PEAK1: variants seen among roughly 807,000 people sequenced by gnomAD.
The protein encoded by PEAK1 is pseudopodium enriched atypical kinase 1.
In PEAK1, 54 loss-of-function variants were observed where a neutral mutation model predicts 124.7. The ratio of observed to expected loss-of-function variants is 0.43; its 90% CI spans 0.35 to 0.54. The LOEUF (loss-of-function observed/expected upper bound fraction) is 0.54. Among genes scored for constraint, PEAK1 ranks in the 20% least tolerant of loss-of-function variants. The pLI, the probability that PEAK1 is intolerant of heterozygous loss-of-function variation, is 0.01. For missense variants in PEAK1, 2,046 were observed against 2,134.5 expected, an observed-to-expected ratio of 0.96 and a Z score of 0.82; for synonymous variants, 719 against 760.0, an observed-to-expected ratio of 0.95 and a Z score of 0.89.
chr15:77,202,059 C>T (rs2058388695), intron 6 of PEAK1, among the ~76,000 whole-genome samples: 1 of 152,156 alleles, frequency 6.6e-6, no homozygotes, highest in Non-Finnish European at 1.5e-5. Flanking sequence ...AAGCAGTCTT[C>T]TAGTTAAAGC....
intron 2 of PEAK1, chr15:77,346,688 C>A (rs1006352293): frequency 1.3e-5 from 13 of 983,888 alleles, no homozygotes; most frequent in Non-Finnish European, 1.6e-5. Context: ...TTAATTGTAT[C>A]TTCCTGACTA....
At chr15:77,323,128 T>A (rs1354766120) in intron 2 of PEAK1, among the ~76,000 whole-genome samples, 38 of 152,320 alleles carry the variant, frequency 2.5e-4, no homozygotes, top group African/African-American at 7.9e-4. Context: ...TGATGGGACG[T>A]ATCTCAAAAT....
chr15:77,139,222 G>A (rs2053579249), intron 8 of PEAK1, among the ~76,000 whole-genome samples: 1 of 152,066 alleles, frequency 6.6e-6, no homozygotes, highest in Non-Finnish European at 1.5e-5. Context: ...AGGTCTTCAG[G>A]GGCAGTAACA....
At position 77,275,793 on chromosome 15, in the gene PEAK1, T is replaced by A. The variant is rs557828764; in HGVS notation, c.-275+8090A>T. On this transcript the variant is annotated intron_variant, in intron 5 of 9. Transcript: ENST00000682557. ...TATTTTTTTAAAGAAAGAAAAAGAATTATCTCACAAGGATTTTAAGGCAGC... is the reference window on the plus strand; with the variant it reads ...TATTTTTTTAAAGAAAGAAAAAGAAATATCTCACAAGGATTTTAAGGCAGC... 6.6e-5 allele frequency among the ~76,000 whole-genome samples: 10 copies of A among 151,374 alleles called. No homozygotes were observed. In the South Asian group the frequency reaches 2.1e-3, roughly 32 times the overall value.
intron 2 of PEAK1, among the ~76,000 whole-genome samples, chr15:77,296,725 T>C (rs2063505555): frequency 6.6e-6 from 1 of 151,790 alleles, no homozygotes; most frequent in Non-Finnish European, 1.5e-5. Flanking sequence ...GAGGACGAGT[T>C]TATCCTAGGG....
chr15:77,272,394 T>C (rs2062085232), intron 5 of PEAK1, among the ~76,000 whole-genome samples: 1 of 151,556 alleles, frequency 6.6e-6, no homozygotes, highest in South Asian at 2.1e-4. Flanking sequence ...AGAGAGAAGA[T>C]CCAAATAAGC....
At chr15:77,355,336 A>G (rs933900519) in intron 2 of PEAK1, among the ~76,000 whole-genome samples, 1 of 152,220 alleles carries the variant, frequency 6.6e-6, no homozygotes, top group African/African-American at 2.4e-5. Flanking sequence ...ACTATTATAC[A>G]TACTTATTAT....
chr15:77,142,168 G>A (rs561572412), intron 8 of PEAK1, among the ~76,000 whole-genome samples: 1 of 152,166 alleles, frequency 6.6e-6, no homozygotes, highest in African/African-American at 2.4e-5. Context: ...ATGGGTAAAA[G>A]ATTTGCATAG....
intron 6 of PEAK1, among the ~76,000 whole-genome samples, chr15:77,200,259 CTTACT>C (rs1039842455): frequency 3.9e-5 from 6 of 152,114 alleles, no homozygotes; most frequent in African/African-American, 1.2e-4. Flanking sequence ...TTTTCTCCAG[CTTACT>C]TTATTGTAAG....
chr15:77,420,284 C>G (rs994946265), upstream of PEAK1: 6 of 151,412 alleles, frequency 4.0e-5, no homozygotes, highest in Middle Eastern at 3.4e-3. Context: ...CTCACGGGCC[C>G]CGGTCGTCTC....
chr15:77,275,916 G>C (rs922163775), intron 5 of PEAK1, among the ~76,000 whole-genome samples: 1 of 151,884 alleles, frequency 6.6e-6, no homozygotes, highest in Admixed American at 6.6e-5. Flanking sequence ...AAGAAATACA[G>C]AATGTAAATA....
At chr15:77,182,618 A>G (rs1486909052) in intron 6 of PEAK1, among the ~76,000 whole-genome samples, 1 of 151,846 alleles carries the variant, frequency 6.6e-6, no homozygotes, top group Non-Finnish European at 1.5e-5. Flanking sequence ...TGGGTGTGGT[A>G]GCACACACCT....
At chr15:77,132,838 A>C (rs1454698871) in intron 9 of PEAK1, among the ~76,000 whole-genome samples, 167 bp downstream of exon 9, 1 of 151,808 alleles carries the variant, frequency 6.6e-6, no homozygotes, top group Non-Finnish European at 1.5e-5. Flanking sequence ...TGTTTTCTTT[A>C]AATAATAAAT....
Position 77,347,900 on chromosome 15 carries a change from G to A in PEAK1, c.-603+17263C>T, listed in dbSNP as rs547750231. 4.1e-6 allele frequency: 4 copies of A among 983,702 alleles called. No individual in the cohort carries two copies. The East Asian group carries it at 3.4e-4, about 84-fold the overall frequency. 60.9% of individuals were successfully genotyped at this position (983,702 alleles called of 1,614,324 possible). The stretch of plus-strand genomic sequence containing the variant: ...ATAAAATATACCTACTAAAAAAAAA[G>A]TAGCTCACCTTAATTGAAGGATAAA... On this transcript the variant is annotated intron_variant, in intron 2 of 9. Transcript: ENST00000682557.
At chr15:77,117,350 A>T (rs1191076561) in intron 9 of PEAK1, among the ~76,000 whole-genome samples, 1 of 152,236 alleles carries the variant, frequency 6.6e-6, no homozygotes, top group Non-Finnish European at 1.5e-5. Context: ...AAAGGAGACA[A>T]TATGAAGAAC....
At chr15:77,400,327 A>C (rs1246775821) in intron 1 of PEAK1, among the ~76,000 whole-genome samples, 5 of 152,186 alleles carry the variant, frequency 3.3e-5, no homozygotes, top group African/African-American at 1.2e-4. Context: ...ACCCATAACA[A>C]AGGAAATCAG....
At chr15:77,240,082 G>A (rs1311814565) in intron 6 of PEAK1, among the ~76,000 whole-genome samples, 1 of 152,204 alleles carries the variant, frequency 6.6e-6, no homozygotes, top group South Asian at 2.1e-4. Flanking sequence ...GCTGGAGACA[G>A]CTCCATTTTC....
At chr15:77,218,265 A>G (rs1044162198) in intron 6 of PEAK1, among the ~76,000 whole-genome samples, 19 of 152,174 alleles carry the variant, frequency 1.2e-4, no homozygotes, top group African/African-American at 3.1e-4. Context: ...GATAACCTCA[A>G]TCAGGTTGAG....
At chr15:77,189,133 G>A (rs558708553) in intron 6 of PEAK1, among the ~76,000 whole-genome samples, 30 of 152,028 alleles carry the variant, frequency 2.0e-4, no homozygotes, top group Non-Finnish European at 3.8e-4. Flanking sequence ...CCTGGGAGGG[G>A]GAGGTTGCAG....
Sources: gnomAD v4.1 joint callset for allele counts (sites outside exome capture counted in the v4.1 genomes callset) on GRCh38, gnomAD v4.1.1 for gene constraint, MANE v1.5 for transcripts, NCBI Gene and HGNC (gene_info 2026-07-23, HGNC 2026-07-21) for gene names.